Variants in ARNT observed in about 807,000 individuals in gnomAD.
ARNT encodes the protein aryl hydrocarbon receptor nuclear translocator.
ARNT carries 30 observed loss-of-function variants against 105.0 expected under a neutral mutation model. That is an observed-to-expected ratio of 0.29 (90% confidence interval 0.21 to 0.39). The LOEUF (loss-of-function observed/expected upper bound fraction) is 0.39, where lower values mean the gene tolerates loss of function less well. ARNT is among the 10% of genes least tolerant of loss of function. ARNT has a pLI of 1.00. For missense variants in ARNT, 748 were observed against 978.7 expected (o/e 0.76, Z 3.15); for synonymous variants, 304 against 344.0 (o/e 0.88, Z 1.29).
chr1:150,858,808 A>G (rs1665092227), intron 1 of ARNT, among the ~76,000 whole-genome samples: 1 of 147,982 alleles, frequency 6.8e-6, no homozygotes, highest in African/African-American at 2.5e-5. Flanking sequence ...TTTTTTTTAG[A>G]GATGGGGTCT....
chr1:150,871,083 G>A (rs1447579073), intron 1 of ARNT, among the ~76,000 whole-genome samples: 1 of 152,070 alleles, frequency 6.6e-6, no homozygotes, highest in Non-Finnish European at 1.5e-5. Context: ...GAGTTTATGT[G>A]AAAAGTTGGA....
chr1:150,871,269 C>T (rs1334746790), intron 1 of ARNT, among the ~76,000 whole-genome samples: 2 of 143,956 alleles, frequency 1.4e-5, no homozygotes, highest in Non-Finnish European at 3.0e-5. Flanking sequence ...TTACTAAAGT[C>T]ATTATGGCAT....
chr1:150,871,549 C>T (rs1238983099), intron 1 of ARNT, among the ~76,000 whole-genome samples: 1 of 149,856 alleles, frequency 6.7e-6, no homozygotes, highest in African/African-American at 2.4e-5. Flanking sequence ...GATCTGCCCA[C>T]TTCGGCCTCC....
intron 1 of ARNT, among the ~76,000 whole-genome samples, chr1:150,871,907 CAAAAAAAAAAAA>C (rs776523588): frequency 2.5e-5 from 1 of 40,086 alleles, no homozygotes; most frequent in African/African-American, 1.1e-4. Context: ...GACCCTGTCT[CAAAAAAAAAAAA>C]AAAAAAAAAA....
Position 150,842,157 on chromosome 1 carries a change from T to C in ARNT, c.272+267A>G, listed in dbSNP as rs181124844. 4 of 543,176 alleles carry C rather than the reference T, an allele frequency of 7.4e-6. No individual in the cohort carries two copies. In the East Asian group the frequency reaches 4.4e-4, roughly 60 times the overall value. 33.6% of individuals were successfully genotyped at this position (543,176 alleles called of 1,614,324 possible). Reference sequence around the variant, plus strand: ...TAAGAGCTTTTTGTTCTGTGAAACTTAGTACTGACATAAAGAGAAAAAGAA... The same window carrying C: ...TAAGAGCTTTTTGTTCTGTGAAACTCAGTACTGACATAAAGAGAAAAAGAA... On this transcript the variant is annotated intron_variant, in intron 5 of 21. Coordinates refer to ENST00000358595, the MANE Select transcript of ARNT (RefSeq NM_001668.4).
At chr1:150,814,924 T>C (rs1467860225) in intron 19 of ARNT, among the ~76,000 whole-genome samples, 1 of 152,192 alleles carries the variant, frequency 6.6e-6, no homozygotes, top group Non-Finnish European at 1.5e-5. Flanking sequence ...ATTCATTTGT[T>C]CCTAATGATG....
In ARNT at chr1:150,811,458, G is replaced by GCGCA. The variant is rs71580328; in HGVS notation, c.*562_*563insTGCG. ...GAGTGAAATACAGAAGCATGTGTGC[G>GCGCA]CACACACACACACACACACATACAC... On this transcript the variant is annotated 3_prime_UTR_variant, in exon 22 of 22. Coordinates refer to ENST00000358595, the MANE Select transcript of ARNT (RefSeq NM_001668.4). The GCGCA allele has an allele frequency of 6.3e-3, 1,440 of 228,978 alleles. 19 individuals carry two copies. The highest frequency in any genetic ancestry group is 0.02 in the East Asian group (321 of 16,228). The allele number at this position is 228,978 out of a possible 1,614,324, so 14.2% of individuals were successfully genotyped here. A position where few individuals can be genotyped will look rare whatever the true frequency, so the allele number is the denominator to read the frequency against.
intron 3 of ARNT, among the ~76,000 whole-genome samples, chr1:150,852,501 G>A (rs900812075): frequency 2.6e-5 from 4 of 152,254 alleles, no homozygotes; most frequent in African/African-American, 7.2e-5. Context: ...GAGAAATAAC[G>A]AACTGTTGTT....
At chr1:150,823,552 CTTT>C (rs34223160) in intron 13 of ARNT, among the ~76,000 whole-genome samples, 11 of 132,800 alleles carry the variant, frequency 8.3e-5, no homozygotes, top group Admixed American at 2.3e-4. Context: ...GAGACTTAAG[CTTT>C]TTTTTTTTTT....
chr1:150,874,605 T>C (rs1051547821), intron 1 of ARNT, among the ~76,000 whole-genome samples: 1 of 152,092 alleles, frequency 6.6e-6, no homozygotes, highest in African/African-American at 2.4e-5. Context: ...AGAGGATCAC[T>C]TGAGCCCCTG....
chr1:150,839,764 T>C (rs1485437345), intron 5 of ARNT, 110 bp from the exon 6 acceptor site: 1 of 1,138,926 alleles, frequency 8.8e-7, no homozygotes, highest in Admixed American at 2.2e-5. Flanking sequence ...GGTATTCAGA[T>C]TTAGTGATGC....
chr1:150,839,339 TCTGA>T, intron 6 of ARNT, 98 bp downstream of exon 6: 1 of 1,187,520 alleles, frequency 8.4e-7, no homozygotes. Context: ...TTTCCCATTG[TCTGA>T]CTTCTTCCTG....
chr1:150,845,670 G>A (rs966042159), intron 4 of ARNT, among the ~76,000 whole-genome samples: 9 of 152,036 alleles, frequency 5.9e-5, no homozygotes, highest in Admixed American at 6.5e-5. Flanking sequence ...TTGGGAGGCC[G>A]AGGCGGGCGG....
chr1:150,817,217 G>A lies in ARNT; in HGVS notation c.1579-15C>T. Reference sequence around the variant, plus strand: ...GGCTGAACCACCTGTGGAATACAATGATAAAAATAACCATTAAAGATTTAA... The same window carrying A: ...GGCTGAACCACCTGTGGAATACAATAATAAAAATAACCATTAAAGATTTAA... On this transcript the variant is annotated splice_polypyrimidine_tract_variant and intron_variant, in intron 16 of 21. Transcript: ENST00000358595. The A allele has an allele frequency of 6.2e-7, 1 of 1,613,442 alleles. No individual in the cohort carries two copies. Among genetic ancestry groups the A allele is most frequent in the Non-Finnish European group, 8.5e-7 (1 of 1,179,842 alleles).
In ARNT at chr1:150,860,088, A is replaced by C. The variant is rs181369266; in HGVS notation, c.26-1628T>G. 3.7e-4 allele frequency among the ~76,000 whole-genome samples: 56 copies of C among 151,304 alleles called. No homozygotes were observed. In the East Asian group the frequency reaches 6.8e-3, roughly 18 times the overall value. ...CTTGCTCGTCATTTCAATATACATC[A>C]TGAATATCTATCTACACACATCTCA... On this transcript the variant is annotated intron_variant, in intron 1 of 21. Coordinates refer to ENST00000358595, the MANE Select transcript of ARNT (RefSeq NM_001668.4).
chr1:150,863,355 CA>C (rs769411546), intron 1 of ARNT, among the ~76,000 whole-genome samples: 1,626 of 108,304 alleles, frequency 0.015, 24 homozygotes, highest in African/African-American at 0.044. Flanking sequence ...GACTCTGTCT[CA>C]AAAAAAAAAA....
chr1:150,865,197 G>A (rs1280696612), intron 1 of ARNT, among the ~76,000 whole-genome samples: 1 of 152,146 alleles, frequency 6.6e-6, no homozygotes, highest in Non-Finnish European at 1.5e-5. Flanking sequence ...AGTAAGGATA[G>A]TGAATTAAAT....
intron 1 of ARNT, among the ~76,000 whole-genome samples, chr1:150,875,985 G>C (rs905194620): frequency 6.6e-6 from 1 of 152,210 alleles, no homozygotes; most frequent in Non-Finnish European, 1.5e-5. Flanking sequence ...GGACGGAGAC[G>C]GGGACGGGGG....
At chr1:150,837,022 T>C (rs1202163455) in intron 6 of ARNT, among the ~76,000 whole-genome samples, 1 of 151,482 alleles carries the variant, frequency 6.6e-6, no homozygotes, top group Non-Finnish European at 1.5e-5. Context: ...GCCGAGATCA[T>C]ACCACCACAC....
Sources: gnomAD v4.1 joint callset for allele counts (sites outside exome capture counted in the v4.1 genomes callset) on GRCh38, gnomAD v4.1.1 for gene constraint, MANE v1.5 for transcripts, NCBI Gene and HGNC (gene_info 2026-07-23, HGNC 2026-07-21) for gene names.